KDM4C: variants seen among roughly 807,000 people sequenced by gnomAD.
KDM4C encodes lysine demethylase 4C.
Under a neutral mutation model 129.3 loss-of-function variants are expected in KDM4C, and 81 were observed. That is an observed-to-expected ratio of 0.63 (90% CI 0.52 to 0.75). KDM4C has a LOEUF of 0.75. Among genes scored for constraint, KDM4C ranks in the 30% least tolerant of loss-of-function variants. KDM4C has a pLI of 0.00. For missense variants in KDM4C, 1,457 were observed against 1,304.0 expected (o/e 1.12, Z -1.81); for synonymous variants, 573 against 456.1 (o/e 1.26, Z -3.26).
intron 15 of KDM4C, among the ~76,000 whole-genome samples, chr9:7,038,774 A>T (rs1206183736): frequency 3.9e-5 from 6 of 152,068 alleles, no homozygotes; most frequent in African/African-American, 1.4e-4. Context: ...ATAACAGCTT[A>T]CATGACCCCC....
chr9:7,128,578 C>T (rs1420194540), intron 19 of KDM4C, among the ~76,000 whole-genome samples: 1 of 152,176 alleles, frequency 6.6e-6, no homozygotes, highest in Admixed American at 6.5e-5. Flanking sequence ...TTTCCTGTTA[C>T]AAGATGTGAA....
At chr9:7,027,406 G>A (rs1021517801) in intron 15 of KDM4C, among the ~76,000 whole-genome samples, 4 of 152,168 alleles carry the variant, frequency 2.6e-5, no homozygotes, top group African/African-American at 7.2e-5. Flanking sequence ...AGGGACTCTT[G>A]TTCTCTTCCC....
At chr9:7,099,578 G>A (rs945181636) in intron 17 of KDM4C, among the ~76,000 whole-genome samples, 21 of 152,172 alleles carry the variant, frequency 1.4e-4, no homozygotes, top group African/African-American at 2.2e-4. Flanking sequence ...AGAAGCTGTC[G>A]GCATGAGTGA....
intron 8 of KDM4C, among the ~76,000 whole-genome samples, chr9:6,953,759 A>T (rs1044654933): frequency 6.6e-6 from 1 of 152,192 alleles, no homozygotes; most frequent in Non-Finnish European, 1.5e-5. Flanking sequence ...AATAGTGAAT[A>T]CACTGATTTT....
intron 15 of KDM4C, among the ~76,000 whole-genome samples, chr9:7,043,871 A>G (rs778414204): frequency 1.3e-5 from 2 of 152,028 alleles, no homozygotes; most frequent in Non-Finnish European, 2.9e-5. Flanking sequence ...AAGTCCCAGT[A>G]TGTGAAAATG....
intron 12 of KDM4C, among the ~76,000 whole-genome samples, chr9:6,996,609 G>A (rs545911014): frequency 3.3e-5 from 5 of 152,298 alleles, no homozygotes; most frequent in South Asian, 4.1e-4. Context: ...AGGACAAGCC[G>A]TGCTAGTGTA....
chr9:6,813,207 A>T lies in KDM4C; in HGVS notation c.321-1424A>T, dbSNP rs530608886. Among the ~76,000 whole-genome samples the T allele has an allele frequency of 6.5e-3, 983 of 152,186 alleles. 8 individuals are homozygous for T. The highest frequency in any genetic ancestry group is 0.02 in the African/African-American group (844 of 41,516). Reference sequence around the variant, plus strand: ...ACAGAAGAAAAACATTAAAAAAAAAATTTTTAATTCTTTAGAAAATAGAGG... The same window carrying T: ...ACAGAAGAAAAACATTAAAAAAAAATTTTTTAATTCTTTAGAAAATAGAGG... On this transcript the variant is annotated intron_variant, in intron 3 of 21. Coordinates refer to ENST00000381309, the MANE Select transcript of KDM4C (RefSeq NM_015061.6).
chr9:6,968,171 T>C (rs1831331171), intron 8 of KDM4C, among the ~76,000 whole-genome samples: 1 of 152,182 alleles, frequency 6.6e-6, no homozygotes, highest in African/African-American at 2.4e-5. Context: ...CTTATGAACT[T>C]AGAAAACTAA....
chr9:6,758,055 C>A lies in KDM4C; in HGVS notation c.-166C>A, dbSNP rs1405386990. ...GGTGAGGCGCGGCGCAGTGATCGGG[C>A]GGCCGGGGTCCTGTGCGCGTGCGCA... On this transcript the variant is annotated 5_prime_UTR_variant, in exon 1 of 22. Coordinates refer to ENST00000381309, the MANE Select transcript of KDM4C (RefSeq NM_015061.6). The surrounding 1 kb of genome is among the most constrained non-coding windows in gnomAD (Gnocchi z 4.6). 1.0e-6 allele frequency: 1 copy of A among 985,468 alleles called. No individual in the cohort carries two copies. The highest frequency in any genetic ancestry group is 6.1e-5 in the Admixed American group (1 of 16,294). The allele number at this position is 985,468 out of a possible 1,614,324, so 61.0% of individuals were successfully genotyped here. A position where few individuals can be genotyped will look rare whatever the true frequency, so the allele number is the denominator to read the frequency against.
chr9:6,764,878 G>T (rs1319766780), intron 1 of KDM4C, among the ~76,000 whole-genome samples: 3 of 152,060 alleles, frequency 2.0e-5, no homozygotes, highest in African/African-American at 7.2e-5. Flanking sequence ...TTTCCTCTCA[G>T]CTCTGCTTCT....
At chr9:6,928,753 A>G (rs912563438) in intron 8 of KDM4C, among the ~76,000 whole-genome samples, 3 of 151,934 alleles carry the variant, frequency 2.0e-5, no homozygotes, top group Non-Finnish European at 4.4e-5. Flanking sequence ...TCAAGCCTTC[A>G]CTTTTTAACT....
At chr9:7,131,807 G>A (rs987753563) in intron 19 of KDM4C, among the ~76,000 whole-genome samples, 4 of 152,160 alleles carry the variant, frequency 2.6e-5, no homozygotes, top group African/African-American at 2.4e-5. Context: ...CTTGAAGATC[G>A]TGGCAGAATA....
At chr9:6,791,826 C>T (rs762375808) in intron 1 of KDM4C, among the ~76,000 whole-genome samples, 9 of 151,996 alleles carry the variant, frequency 5.9e-5, no homozygotes, top group Admixed American at 2.0e-4. Context: ...AGTTCGAGAC[C>T]GGCCTGACCA....
Position 6,945,783 on chromosome 9 carries a change from C to A in KDM4C, c.922-35142C>A, listed in dbSNP as rs142082873. Among the ~76,000 whole-genome samples, 623 of 152,210 alleles carry A rather than the reference C, an allele frequency of 4.1e-3. 3 individuals are homozygous for A. The highest frequency in any genetic ancestry group is 0.014 in the African/African-American group (566 of 41,536). On this transcript the variant is annotated intron_variant, in intron 8 of 21. Transcript: ENST00000381309. Reference sequence around the variant, plus strand: ...TTCAAGATAGTGGAAATAATCTTAACATGTTAAGGTCTTGAATCTTATGCA... The same window carrying A: ...TTCAAGATAGTGGAAATAATCTTAAAATGTTAAGGTCTTGAATCTTATGCA...
intron 17 of KDM4C, among the ~76,000 whole-genome samples, chr9:7,049,543 C>G (rs1038549914): frequency 6.6e-6 from 1 of 152,044 alleles, no homozygotes; most frequent in African/African-American, 2.4e-5. Flanking sequence ...AGATTTTTCT[C>G]TCTTGACTCT....
chr9:6,821,758 C>T (rs1588501652), intron 4 of KDM4C, among the ~76,000 whole-genome samples: 1 of 151,970 alleles, frequency 6.6e-6, no homozygotes. Context: ...CCTTAGCCTC[C>T]CGAGTAGCTG....
intron 19 of KDM4C, among the ~76,000 whole-genome samples, chr9:7,157,337 C>T (rs996378781): frequency 6.6e-6 from 1 of 152,146 alleles, no homozygotes. Flanking sequence ...TAATTGAATA[C>T]CCATTATTTC....
chr9:6,934,349 C>CG (rs146652057), intron 8 of KDM4C, among the ~76,000 whole-genome samples: 38,359 of 150,716 alleles, frequency 0.25, 5,320 homozygotes, highest in South Asian at 0.39. Flanking sequence ...TTTGTGCTGG[C>CG]GGTCCCTGTA....
chr9:6,769,229 G>A (rs3887736), intron 1 of KDM4C, among the ~76,000 whole-genome samples: 17,255 of 151,756 alleles, frequency 0.11, 1,222 homozygotes, highest in African/African-American at 0.19. Context: ...ATGCAATCTG[G>A]AACATCTTAA....
Sources: allele counts gnomAD v4.1 joint callset (sites outside exome capture counted in the v4.1 genomes callset), GRCh38; gene constraint gnomAD v4.1.1; non-coding constraint Gnocchi (gnomAD v3.1); transcripts MANE v1.5; gene names NCBI Gene and HGNC (gene_info 2026-07-23, HGNC 2026-07-21).